Variants in JAZF1 observed in about 807,000 individuals in gnomAD.
JAZF1 encodes juxtaposed with another zinc finger protein 1.
In JAZF1, 8 loss-of-function variants were observed where a neutral mutation model predicts 26.4. That is an observed-to-expected ratio of 0.30 (90% CI 0.18 to 0.55). The LOEUF is 0.55. Ranked by LOEUF, JAZF1 falls within the 20% of genes least tolerant of loss-of-function variation. The pLI is 0.94. For synonymous variants in JAZF1, 126 were observed against 122.3 expected (o/e 1.03, Z -0.20); for missense variants, 199 against 322.0 (o/e 0.62, Z 2.92).
chr7:28,012,223 G>A (rs947468310), intron 1 of JAZF1, among the ~76,000 whole-genome samples: 59 of 152,106 alleles, frequency 3.9e-4, no homozygotes, highest in Non-Finnish European at 1.0e-4. Flanking sequence ...CATTCACCGT[G>A]TCAAAAAATC....
Position 27,903,347 on chromosome 7 carries a change from C to A in JAZF1, c.189-7931G>T, listed in dbSNP as rs962309110. Among the ~76,000 whole-genome samples the A allele has an allele frequency of 2.6e-5, 4 of 152,152 alleles. No individual in the cohort carries two copies. In the East Asian group the frequency reaches 7.7e-4, roughly 29 times the overall value. On this transcript the variant is annotated intron_variant, in intron 2 of 4. Transcript: ENST00000283928. Reference sequence around the variant, plus strand: ...TAGCTGGGACTACAGGCGTTCACCACCACATCTGGATAATTTTTTGTACTT... The same window carrying A: ...TAGCTGGGACTACAGGCGTTCACCAACACATCTGGATAATTTTTTGTACTT...
At chr7:27,994,213 T>C (rs1281475243) in intron 1 of JAZF1, among the ~76,000 whole-genome samples, 1 of 152,166 alleles carries the variant, frequency 6.6e-6, no homozygotes, top group Non-Finnish European at 1.5e-5. Flanking sequence ...GTTGCTCAAA[T>C]AAATGGCATC....
At chr7:27,951,851 A>C (rs940293859) in intron 2 of JAZF1, among the ~76,000 whole-genome samples, 4 of 152,196 alleles carry the variant, frequency 2.6e-5, no homozygotes, top group African/African-American at 9.7e-5. Flanking sequence ...GACATTCTAC[A>C]ACCTCTCTCC....
At chr7:28,007,697 C>T (rs1365874385) in intron 1 of JAZF1, among the ~76,000 whole-genome samples, 1 of 152,120 alleles carries the variant, frequency 6.6e-6, no homozygotes, top group East Asian at 1.9e-4. Context: ...GACCAGGTGA[C>T]CAGCTGGATG....
intron 1 of JAZF1, among the ~76,000 whole-genome samples, chr7:28,093,699 G>T (rs888951150): frequency 2.0e-5 from 3 of 152,204 alleles, no homozygotes; most frequent in African/African-American, 7.2e-5. Flanking sequence ...TGCCCATTCA[G>T]GGGGAAATGA....
intron 1 of JAZF1, among the ~76,000 whole-genome samples, chr7:28,141,031 C>G (rs989090828): frequency 5.9e-5 from 9 of 152,202 alleles, no homozygotes; most frequent in African/African-American, 2.2e-4. Context: ...AACTCATTCA[C>G]AGCATATAGT....
At chr7:27,929,963 C>CCCT (rs1784660718) in intron 2 of JAZF1, among the ~76,000 whole-genome samples, 3 of 117,708 alleles carry the variant, frequency 2.5e-5, no homozygotes, top group Admixed American at 8.4e-5. Context: ...TCTCTCTCCC[C>CCCT]CTCTCTCCCT....
chr7:27,920,195 G>A (rs1028528845), intron 2 of JAZF1, among the ~76,000 whole-genome samples: 2 of 152,108 alleles, frequency 1.3e-5, no homozygotes, highest in Admixed American at 6.5e-5. Flanking sequence ...GATGCCTCTT[G>A]GGGAGCAAAA....
At chr7:27,916,928 C>T (rs545443939) in intron 2 of JAZF1, among the ~76,000 whole-genome samples, 2 of 152,290 alleles carry the variant, frequency 1.3e-5, no homozygotes, top group Non-Finnish European at 2.9e-5. Flanking sequence ...TTTACAAACA[C>T]CTAATCCACA....
At chr7:28,116,041 C>A (rs1327599561) in intron 1 of JAZF1, among the ~76,000 whole-genome samples, 1 of 152,104 alleles carries the variant, frequency 6.6e-6, no homozygotes, top group Non-Finnish European at 1.5e-5. Flanking sequence ...TTTATTTAAC[C>A]AGTCTTTCAC....
intron 3 of JAZF1, among the ~76,000 whole-genome samples, chr7:27,883,285 G>A (rs1185345974): frequency 1.3e-5 from 2 of 152,186 alleles, no homozygotes; most frequent in African/African-American, 2.4e-5. Flanking sequence ...TAGGACCAAT[G>A]CCTCACCACT....
At chr7:28,179,593 G>A (rs1162308660) in intron 1 of JAZF1, among the ~76,000 whole-genome samples, 1 of 151,230 alleles carries the variant, frequency 6.6e-6, no homozygotes, top group Non-Finnish European at 1.5e-5. Flanking sequence ...CGCCGCCGCA[G>A]GGGCCTCCAG....
chr7:28,001,222 C>T (rs934047971), intron 1 of JAZF1, among the ~76,000 whole-genome samples: 8 of 151,818 alleles, frequency 5.3e-5, no homozygotes, highest in African/African-American at 1.7e-4. Flanking sequence ...GGCATGGTGG[C>T]GTGCCTGTAA....
At chr7:28,046,364 A>C (rs144302792) in intron 1 of JAZF1, among the ~76,000 whole-genome samples, 67 of 152,306 alleles carry the variant, frequency 4.4e-4, no homozygotes, top group African/African-American at 1.6e-3. Context: ...TCCGTGTCAA[A>C]CCATGGAAAA....
chr7:27,895,329 C>G lies in JAZF1; in HGVS notation c.276G>C (p.Val92=). The part of the protein sequence containing the change: ...PKLSLTLSSS[V]SRGNVSTPPR... ...GGGGAGTGGACACATTCCCTCGAGACACTGAGCTGGACAGAGTCAGCGAGA... is the reference window on the plus strand; with the variant it reads ...GGGGAGTGGACACATTCCCTCGAGAGACTGAGCTGGACAGAGTCAGCGAGA... Residue 92 remains valine, a synonymous_variant, in exon 3 of 5, where the codon GTG becomes GTC. Transcript: ENST00000283928. 6.2e-7 allele frequency: 1 copy of G among 1,611,562 alleles called. No individual in the cohort carries two copies. Among genetic ancestry groups the G allele is most frequent in the South Asian group, 1.1e-5 (1 of 90,484 alleles).
At chr7:28,144,465 G>T (rs1782997697) in intron 1 of JAZF1, among the ~76,000 whole-genome samples, 1 of 152,170 alleles carries the variant, frequency 6.6e-6, no homozygotes, top group Admixed American at 6.5e-5. Flanking sequence ...ACATTTGCAG[G>T]AAACAATGGG....
At chr7:28,019,677 T>C (rs1225152344) in intron 1 of JAZF1, among the ~76,000 whole-genome samples, 1 of 152,086 alleles carries the variant, frequency 6.6e-6, no homozygotes, top group Non-Finnish European at 1.5e-5. Context: ...ATTTAATAGG[T>C]CTCTGTATTA....
intron 2 of JAZF1, among the ~76,000 whole-genome samples, chr7:27,990,052 A>T (rs1293775004): frequency 2.0e-5 from 3 of 152,238 alleles, no homozygotes; most frequent in Admixed American, 1.3e-4. Flanking sequence ...CATCAGTGAT[A>T]GACTGGATTA....
At chr7:27,865,074 A>C (rs1183498349) in intron 3 of JAZF1, among the ~76,000 whole-genome samples, 1 of 152,174 alleles carries the variant, frequency 6.6e-6, no homozygotes, top group Admixed American at 6.5e-5. Flanking sequence ...TCAGAGTATA[A>C]GGTGTGTTCA....
Sources: allele counts gnomAD v4.1 joint callset (sites outside exome capture counted in the v4.1 genomes callset), GRCh38; gene constraint gnomAD v4.1.1; transcripts MANE v1.5; gene names NCBI Gene and HGNC (gene_info 2026-07-23, HGNC 2026-07-21).